PCM1: variants seen among roughly 807,000 people sequenced by gnomAD.
PCM1 encodes pericentriolar material 1 protein.
PCM1 carries 157 observed loss-of-function variants against 241.9 expected under a neutral mutation model. The ratio of observed to expected loss-of-function variants is 0.65; its 90% confidence interval spans 0.57 to 0.74. The LOEUF (loss-of-function observed/expected upper bound fraction) is 0.74. Among genes scored for constraint, PCM1 ranks in the 30% least tolerant of loss-of-function variants. The pLI is 0.00. For missense variants in PCM1, 3,478 were observed against 2,360.1 expected (o/e 1.47, Z -9.81); for synonymous variants, 1,085 against 784.9 (o/e 1.38, Z -6.39).
chr8:17,938,113 A>G (rs1197251188), intron 4 of PCM1, among the ~76,000 whole-genome samples: 1 of 152,164 alleles, frequency 6.6e-6, no homozygotes, highest in African/African-American at 2.4e-5. Flanking sequence ...AATATGAGTT[A>G]AAGTGTGATC....
chr8:17,954,830 A>G (rs906827485), intron 9 of PCM1, among the ~76,000 whole-genome samples: 2 of 152,216 alleles, frequency 1.3e-5, no homozygotes, highest in African/African-American at 4.8e-5. Context: ...ATTTAGTTCA[A>G]GGACCATAGA....
At chr8:17,932,270 T>G (rs1037840140) in intron 2 of PCM1, among the ~76,000 whole-genome samples, 1 of 152,142 alleles carries the variant, frequency 6.6e-6, no homozygotes, top group South Asian at 2.1e-4. Flanking sequence ...TCCACCATAT[T>G]TAAGGTTGTT....
Position 17,956,642 on chromosome 8 carries a change from GAGA to G in PCM1, c.1513_1515del (p.Glu505del). On this transcript the variant is annotated inframe_deletion, in exon 11 of 39. Coordinates refer to ENST00000325083, the MANE Select transcript of PCM1 (RefSeq NM_006197.4). ...GTTCGAAAGAGATTGAATGAGCTAAGAGAATTAGTTCATTATTATGAACAAACG... is the reference window on the plus strand; with the variant it reads ...GTTCGAAAGAGATTGAATGAGCTAAGATTAGTTCATTATTATGAACAAACG... The G allele has an allele frequency of 6.2e-7, 1 of 1,600,308 alleles. No homozygotes were observed. Among genetic ancestry groups the G allele is most frequent in the Non-Finnish European group, 8.5e-7 (1 of 1,171,328 alleles).
At chr8:17,996,912 C>T (rs1246000888) in intron 29 of PCM1, among the ~76,000 whole-genome samples, 1 of 152,044 alleles carries the variant, frequency 6.6e-6, no homozygotes, top group Non-Finnish European at 1.5e-5. Context: ...GTTGGTTCAT[C>T]ATTTTGTCTT....
chr8:17,976,792 T>A (rs1473880226), intron 23 of PCM1, among the ~76,000 whole-genome samples: 1 of 152,058 alleles, frequency 6.6e-6, no homozygotes, highest in African/African-American at 2.4e-5. Flanking sequence ...TTATCTCTCA[T>A]CAGTCACACA....
intron 21 of PCM1, 39 bp from the exon 22 acceptor site, chr8:17,969,538 T>A: frequency 7.3e-7 from 1 of 1,376,800 alleles, no homozygotes; most frequent in Non-Finnish European, 1.0e-6. Context: ...CTAAAGACAT[T>A]TATTTATTTT....
chr8:17,932,965 C>T (rs1365037554), intron 2 of PCM1, among the ~76,000 whole-genome samples: 1 of 152,030 alleles, frequency 6.6e-6, no homozygotes, highest in African/African-American at 2.4e-5. Flanking sequence ...GGATATGTAC[C>T]ATCCTTGGGA....
chr8:17,999,285 T>C (rs1414337060), intron 29 of PCM1, among the ~76,000 whole-genome samples: 1 of 152,126 alleles, frequency 6.6e-6, no homozygotes, highest in Non-Finnish European at 1.5e-5. Flanking sequence ...TCTCTGAGTC[T>C]CACCCAAGGC....
At chr8:17,966,564 C>T in intron 20 of PCM1, 91 bp downstream of exon 20, 1 of 1,096,548 alleles carries the variant, frequency 9.1e-7, no homozygotes, top group Non-Finnish European at 1.3e-6. Flanking sequence ...AGAGCAAGAC[C>T]AAATTGCATA....
At position 18,006,333 on chromosome 8, in the gene PCM1, A is replaced by G; in HGVS notation, c.4898A>G (p.Gln1633Arg). 1 of 1,613,290 alleles carries G rather than the reference A, an allele frequency of 6.2e-7. No individual in the cohort carries two copies. Among genetic ancestry groups the G allele is most frequent in the South Asian group, 1.1e-5 (1 of 91,062 alleles). Residue 1633 changes from glutamine (Q) to arginine (R), a missense_variant, in exon 30 of 39, where the codon CAG becomes CGG. Transcript: ENST00000325083. ...SVRRMVLTLT[Q>R]QNDESKEFVK... ...AGGCGCATGGTTTTGACCCTTACCC[A>G]GCAAAATGATGAGAGCAAAGAGTTT...
chr8:17,938,282 T>C (rs984170877), intron 4 of PCM1, among the ~76,000 whole-genome samples: 2 of 152,162 alleles, frequency 1.3e-5, no homozygotes, highest in Admixed American at 6.5e-5. Flanking sequence ...GTGCACAAAA[T>C]TATTAAAAAT....
intron 15 of PCM1, among the ~76,000 whole-genome samples, chr8:17,961,456 G>A (rs2072017766): frequency 6.6e-6 from 1 of 151,864 alleles, no homozygotes; most frequent in African/African-American, 2.4e-5. Context: ...GACTACAGGT[G>A]CCCGCCACCA....
chr8:17,959,795 T>C (rs954234662), intron 13 of PCM1, among the ~76,000 whole-genome samples: 3 of 152,298 alleles, frequency 2.0e-5, no homozygotes, highest in African/African-American at 7.2e-5. Context: ...AATTTCCCAA[T>C]TATAAGAAGA....
At chr8:17,931,847 C>T (rs2059132350) in intron 2 of PCM1, among the ~76,000 whole-genome samples, 2 of 152,000 alleles carry the variant, frequency 1.3e-5, no homozygotes, top group South Asian at 4.2e-4. Flanking sequence ...GGATATACTT[C>T]TATGGGTATT....
chr8:17,972,541 A>T lies in PCM1; in HGVS notation c.3797A>T (p.Asp1266Val). ...CTGGAAAGCTTTAGCAGTATGCCTG[A>T]TCCAGTAGATCCAACAACAGTGACT... Reference protein sequence around the residue: ...ESLESFSSMPDPVDPTTVTKT... With the variant: ...ESLESFSSMPVPVDPTTVTKT... The change falls in exon 23 of 39, where the codon GAT (aspartate) becomes GTT (valine). Residue 1266 changes from aspartate (D) to valine (V), a missense_variant. Transcript: ENST00000325083. 1 of 1,613,886 alleles carries T rather than the reference A, an allele frequency of 6.2e-7. No individual in the cohort carries two copies. The highest frequency in any genetic ancestry group is 8.5e-7 in the Non-Finnish European group (1 of 1,179,774).
intron 7 of PCM1, among the ~76,000 whole-genome samples, chr8:17,948,521 T>C (rs1395667899): frequency 6.6e-6 from 1 of 152,018 alleles, no homozygotes; most frequent in African/African-American, 2.4e-5. Flanking sequence ...GTCAGGCTGG[T>C]CTTGAACTCC....
At chr8:17,931,274 A>C (rs1203992528) in intron 2 of PCM1, among the ~76,000 whole-genome samples, 3 of 152,018 alleles carry the variant, frequency 2.0e-5, no homozygotes, top group African/African-American at 4.8e-5. Context: ...AATGCGTAAA[A>C]CATTCTTTCT....
intron 18 of PCM1, 21 bp downstream of exon 18, chr8:17,964,789 T>G: frequency 6.3e-7 from 1 of 1,587,268 alleles, no homozygotes; most frequent in Non-Finnish European, 8.6e-7. Context: ...GTATTTTAAT[T>G]TTGTGCTTAA....
At chr8:17,978,283 A>C (rs758415333) in intron 23 of PCM1, among the ~76,000 whole-genome samples, 19 of 152,074 alleles carry the variant, frequency 1.2e-4, no homozygotes, top group Admixed American at 5.2e-4. Context: ...TCTGAAGGGG[A>C]AAATAAAAAA....
Sources: gnomAD v4.1 joint callset for allele counts (sites outside exome capture counted in the v4.1 genomes callset) on GRCh38, gnomAD v4.1.1 for gene constraint, MANE v1.5 for transcripts, NCBI Gene and HGNC (gene_info 2026-07-23, HGNC 2026-07-21) for gene names.